Variants in CHIC2 observed in about 807,000 individuals in gnomAD.
The protein encoded by CHIC2 is cysteine-rich hydrophobic domain-containing protein 2.
A neutral mutation model predicts 25.9 loss-of-function variants in CHIC2; 14 were observed. The ratio of observed to expected loss-of-function variants is 0.54; its 90% CI spans 0.36 to 0.85. The LOEUF is 0.85. Ranked by LOEUF, CHIC2 falls within the 40% of genes least tolerant of loss-of-function variation. The pLI is 0.01. For missense variants in CHIC2, 146 were observed against 202.0 expected (o/e 0.72, Z 1.68); for synonymous variants, 70 against 72.0 (o/e 0.97, Z 0.14).
At chr4:54,075,928 C>A in the CHIC2 span, among the ~76,000 whole-genome samples, 4 of 152,146 alleles carry the variant, frequency 2.6e-5, no homozygotes, top group Admixed American at 2.6e-4. Context: ...CCTCACCATA[C>A]CCCAGTGCTG....
At chr4:54,031,633 T>G (rs1452829668) in intron 3 of CHIC2, among the ~76,000 whole-genome samples, 2 of 145,558 alleles carry the variant, frequency 1.4e-5, no homozygotes, top group Non-Finnish European at 3.0e-5. Flanking sequence ...TTTTTTTTTT[T>G]TGTGAGACAG....
chr4:54,064,956 C>T (rs1295626265), upstream of CHIC2, among the ~76,000 whole-genome samples: 3 of 152,224 alleles, frequency 2.0e-5, no homozygotes, highest in East Asian at 5.8e-4. The surrounding 1 kb of genome is among the most constrained non-coding windows in gnomAD (Gnocchi z 4.2). Context: ...CCAAAGTCAT[C>T]TCTAACCAAA....
chr4:54,085,030 T>C, the CHIC2 span, among the ~76,000 whole-genome samples: 3 of 147,058 alleles, frequency 2.0e-5, no homozygotes, highest in East Asian at 3.9e-4. Context: ...AAACACTGAA[T>C]TGATATAAAT....
intron 1 of CHIC2, among the ~76,000 whole-genome samples, chr4:54,050,243 C>T (rs1390480962): frequency 6.6e-6 from 1 of 152,060 alleles, no homozygotes; most frequent in Admixed American, 6.6e-5. Flanking sequence ...TTTGAAAGTT[C>T]ATGTAATACA....
intron 1 of CHIC2, chr4:54,060,049 C>A (rs1289943747): frequency 1.3e-5 from 2 of 152,178 alleles, no homozygotes; most frequent in African/African-American, 4.8e-5. Context: ...TGTAATTTGG[C>A]AACTCACATT....
At chr4:54,075,990 T>G in the CHIC2 span, among the ~76,000 whole-genome samples, 1 of 152,138 alleles carries the variant, frequency 6.6e-6, no homozygotes, top group South Asian at 2.1e-4. Context: ...AAACTTAAGT[T>G]AAATGACTTA....
upstream of CHIC2, chr4:54,064,619 G>C (rs1365929319): frequency 1.6e-5 from 18 of 1,118,190 alleles, no homozygotes; most frequent in African/African-American, 4.9e-5. This position sits in a 1 kb window ranked among gnomAD's most constrained non-coding sequence, Gnocchi z 4.2. Context: ...GCAACAGCCC[G>C]AGCCACCCGC....
chr4:54,051,160 A>C (rs2081948104), intron 1 of CHIC2, among the ~76,000 whole-genome samples: 1 of 151,950 alleles, frequency 6.6e-6, no homozygotes, highest in Admixed American at 6.6e-5. Context: ...TCTGGTTGTA[A>C]TATATTGCTT....
chr4:54,042,366 A>C (rs1352375829), intron 3 of CHIC2, among the ~76,000 whole-genome samples: 1 of 152,224 alleles, frequency 6.6e-6, no homozygotes, highest in Non-Finnish European at 1.5e-5. Flanking sequence ...TACATCTCAC[A>C]TAAGAAGGAA....
At chr4:54,078,070 A>T in the CHIC2 span, among the ~76,000 whole-genome samples, 1 of 152,226 alleles carries the variant, frequency 6.6e-6, no homozygotes, top group Non-Finnish European at 1.5e-5. Context: ...GAATGATGCC[A>T]ATCAACCCAT....
intron 3 of CHIC2, among the ~76,000 whole-genome samples, chr4:54,017,851 C>T (rs1371320379): frequency 6.6e-6 from 1 of 151,938 alleles, no homozygotes; most frequent in Non-Finnish European, 1.5e-5. Flanking sequence ...ACAAAACACA[C>T]ATTTCTTCAT....
intron 3 of CHIC2, among the ~76,000 whole-genome samples, chr4:54,023,433 T>C (rs1715963853): frequency 6.6e-6 from 1 of 152,168 alleles, no homozygotes; most frequent in African/African-American, 2.4e-5. Context: ...CCCGGCTCCT[T>C]CAGCTATACT....
upstream of CHIC2, among the ~76,000 whole-genome samples, chr4:54,068,340 G>A (rs1717557832): frequency 6.6e-6 from 1 of 152,070 alleles, no homozygotes; most frequent in Non-Finnish European, 1.5e-5. Flanking sequence ...TGGGATTAGT[G>A]CCCTCATAAA....
Position 54,049,314 on chromosome 4 carries a change from A to C in CHIC2, c.120-9T>G. Reference sequence around the variant, plus strand: ...TGTTGCTCAGTCCAAATCTATTTTAAAAAATAAGAAGAATATGTTATTACA... The same window carrying C: ...TGTTGCTCAGTCCAAATCTATTTTACAAAATAAGAAGAATATGTTATTACA... On this transcript the variant is annotated splice_polypyrimidine_tract_variant and intron_variant, in intron 1 of 5. Coordinates refer to ENST00000263921, the MANE Select transcript of CHIC2 (RefSeq NM_012110.4). 1 of 1,547,964 alleles carries C rather than the reference A, an allele frequency of 6.5e-7. No homozygotes were observed. Among genetic ancestry groups the C allele is most frequent in the South Asian group, 1.2e-5 (1 of 84,306 alleles).
At chr4:54,085,571 A>G in the CHIC2 span, among the ~76,000 whole-genome samples, 1 of 152,226 alleles carries the variant, frequency 6.6e-6, no homozygotes. Flanking sequence ...CTCAGGGCAG[A>G]CTCCAAATGA....
chr4:54,019,671 C>A (rs1419255535), intron 3 of CHIC2, among the ~76,000 whole-genome samples: 1 of 152,118 alleles, frequency 6.6e-6, no homozygotes, highest in Non-Finnish European at 1.5e-5. Flanking sequence ...ACTCTGAGTA[C>A]CATTTCAGAA....
intron 3 of CHIC2, among the ~76,000 whole-genome samples, chr4:54,015,592 T>C (rs1421027328): frequency 6.6e-6 from 1 of 152,104 alleles, no homozygotes; most frequent in Non-Finnish European, 1.5e-5. Flanking sequence ...AAAATTGCCA[T>C]CTGAATGCTG....
chr4:54,023,651 G>A (rs972434663), intron 3 of CHIC2, among the ~76,000 whole-genome samples: 6 of 151,866 alleles, frequency 4.0e-5, no homozygotes, highest in Non-Finnish European at 4.4e-5. Context: ...AGGCCTAATC[G>A]CCACTCACCA....
chr4:54,074,944 C>A, the CHIC2 span, among the ~76,000 whole-genome samples: 2 of 151,924 alleles, frequency 1.3e-5, no homozygotes, highest in African/African-American at 4.8e-5. Flanking sequence ...CCTGTCTCTA[C>A]AAAAATACAT....
Sources: allele counts gnomAD v4.1 joint callset (sites outside exome capture counted in the v4.1 genomes callset), GRCh38; gene constraint gnomAD v4.1.1; non-coding constraint Gnocchi (gnomAD v3.1); transcripts MANE v1.5; gene names NCBI Gene and HGNC (gene_info 2026-07-23, HGNC 2026-07-21).